CALD1: variants seen among roughly 807,000 people sequenced by gnomAD.
CALD1 encodes caldesmon 1, also known as caldesmon.
Under a neutral mutation model 99.9 loss-of-function variants are expected in CALD1, and 33 were observed. The observed-to-expected ratio is 0.33, with a 90% confidence interval of 0.25 to 0.44. The LOEUF (loss-of-function observed/expected upper bound fraction) is 0.44. Among genes scored for constraint, CALD1 ranks in the 20% least tolerant of loss-of-function variants. CALD1 has a pLI of 1.00. For synonymous variants in CALD1, 310 were observed against 325.0 expected (o/e 0.95, Z 0.50); for missense variants, 861 against 962.1 (o/e 0.89, Z 1.39).
the CALD1 span, among the ~76,000 whole-genome samples, chr7:134,722,772 C>T: frequency 6.6e-6 from 1 of 152,118 alleles, no homozygotes; most frequent in African/African-American, 2.4e-5. Context: ...CCACCCCCTC[C>T]ACCTTTCCTT....
intron 2 of CALD1, among the ~76,000 whole-genome samples, chr7:134,859,468 G>A (rs772978918): frequency 6.6e-6 from 1 of 152,172 alleles, no homozygotes; most frequent in Non-Finnish European, 1.5e-5. Flanking sequence ...TTCTCCTTGA[G>A]TTCATCAAGG....
At chr7:134,719,312 TA>T in the CALD1 span, among the ~76,000 whole-genome samples, 2 of 151,852 alleles carry the variant, frequency 1.3e-5, no homozygotes, top group South Asian at 2.1e-4. Flanking sequence ...CAAAAAGGGA[TA>T]AAAAAATATG....
intron 4 of CALD1, among the ~76,000 whole-genome samples, chr7:134,930,752 CTAAACT>C (rs1266570260): frequency 8.5e-5 from 13 of 152,270 alleles, no homozygotes; most frequent in South Asian, 2.1e-4. Flanking sequence ...AAAAATGCTG[CTAAACT>C]TAAACTATGT....
intron 2 of CALD1, among the ~76,000 whole-genome samples, chr7:134,856,415 C>T (rs562492769): frequency 2.6e-5 from 4 of 152,256 alleles, no homozygotes; most frequent in South Asian, 2.1e-4. Flanking sequence ...CCCAAGCAAA[C>T]CTCCAGAACG....
intron 3 of CALD1, among the ~76,000 whole-genome samples, chr7:134,911,471 C>T (rs554402701): frequency 2.5e-4 from 38 of 152,156 alleles, no homozygotes; most frequent in South Asian, 8.3e-4. Flanking sequence ...GCTGTAATAA[C>T]TTTAAACACC....
At chr7:134,923,223 C>T (rs1357428426) in intron 3 of CALD1, among the ~76,000 whole-genome samples, 1 of 152,184 alleles carries the variant, frequency 6.6e-6, no homozygotes, top group East Asian at 1.9e-4. Context: ...TACCAAGTAA[C>T]AAAGTGGAAT....
chr7:134,907,751 T>TC (rs890970178), intron 3 of CALD1, among the ~76,000 whole-genome samples: 81 of 151,148 alleles, frequency 5.4e-4, no homozygotes, highest in East Asian at 1.6e-3. Flanking sequence ...ATTTTTCCAG[T>TC]CCCCCCCCGC....
intron 3 of CALD1, among the ~76,000 whole-genome samples, chr7:134,876,885 G>A (rs988986131): frequency 1.3e-5 from 2 of 152,150 alleles, no homozygotes; most frequent in Non-Finnish European, 2.9e-5. Flanking sequence ...TCTTTGGGGA[G>A]GATGGGACAG....
In CALD1 at chr7:134,968,758, C is replaced by A; in HGVS notation, c.*413C>A. The A allele has an allele frequency of 3.8e-6, 1 of 259,840 alleles. No homozygotes were observed. The highest frequency in any genetic ancestry group is 5.0e-5 in the South Asian group (1 of 19,926). 16.1% of individuals were successfully genotyped at this position (259,840 alleles called of 1,614,324 possible). A position where few individuals can be genotyped will look rare whatever the true frequency, so the allele number is the denominator to read the frequency against. ...ATACAGAAGTCATGTTGTTTCTGCA[C>A]TTTATAATAAAGCATGGAAGAAATT... is the stretch of plus-strand genomic sequence containing the variant. On this transcript the variant is annotated 3_prime_UTR_variant, in exon 15 of 15. Transcript: ENST00000361675.
rs752356603 is a variant in CALD1 at position 134,921,548 on chromosome 7, A to G, written c.72-7206A>G. Among the ~76,000 whole-genome samples, 12 of 152,230 alleles carry G rather than the reference A, an allele frequency of 7.9e-5. 1 individual carries two copies. Among genetic ancestry groups the G allele is most frequent in the South Asian group, 6.2e-4 (3 of 4,834 alleles). Reference sequence around the variant, plus strand: ...CTGCTGTGGTCCGGCATGGTGGTTTACGCCTGTAATCCCAGCACTTTGGGA... The same window carrying G: ...CTGCTGTGGTCCGGCATGGTGGTTTGCGCCTGTAATCCCAGCACTTTGGGA... On this transcript the variant is annotated intron_variant, in intron 3 of 14. Transcript: ENST00000361675.
At chr7:134,739,250 G>A in the CALD1 span, among the ~76,000 whole-genome samples, 7 of 152,238 alleles carry the variant, frequency 4.6e-5, no homozygotes, top group East Asian at 5.8e-4. Flanking sequence ...ATTTAGCAAC[G>A]GACAAAATGG....
intron 3 of CALD1, among the ~76,000 whole-genome samples, chr7:134,890,945 G>A (rs544760407): frequency 6.6e-6 from 1 of 152,136 alleles, no homozygotes; most frequent in African/African-American, 2.4e-5. Context: ...TGGATAAAAG[G>A]GATAAGAGGA....
chr7:134,745,602 G>A (rs1796628890), intron 1 of CALD1: 1 of 152,226 alleles, frequency 6.6e-6, no homozygotes, highest in African/African-American at 2.4e-5. Context: ...ACATCTGCTA[G>A]AGAGGTGAAT....
intron 13 of CALD1, 63 bp downstream of exon 13, chr7:134,960,691 C>T: frequency 9.5e-7 from 1 of 1,052,428 alleles, no homozygotes; most frequent in Non-Finnish European, 1.5e-6. Context: ...CAGAAGAAAA[C>T]AAGCAGTTGG....
At chr7:134,943,794 T>A (rs544651547) in intron 7 of CALD1, among the ~76,000 whole-genome samples, 2 of 152,372 alleles carry the variant, frequency 1.3e-5, no homozygotes, top group East Asian at 3.9e-4. Context: ...ATGTAGTATA[T>A]ACGTGTGTGA....
intron 3 of CALD1, among the ~76,000 whole-genome samples, chr7:134,917,218 G>A (rs1454319981): frequency 2.0e-5 from 3 of 152,110 alleles, no homozygotes; most frequent in East Asian, 1.9e-4. Context: ...CCACATCTAC[G>A]ATGCACATTA....
intron 11 of CALD1, 63 bp from the exon 12 acceptor site, chr7:134,959,911 C>T: frequency 2.6e-6 from 4 of 1,545,684 alleles, no homozygotes; most frequent in Non-Finnish European, 2.6e-6. Context: ...AAGACAAACT[C>T]ACTATAATTT....
chr7:134,787,527 C>T (rs145615155), intron 1 of CALD1, among the ~76,000 whole-genome samples: 1 of 152,104 alleles, frequency 6.6e-6, no homozygotes, highest in Non-Finnish European at 1.5e-5. Flanking sequence ...CTTCCTCCAC[C>T]TCCACCCTCA....
chr7:134,766,548 T>C (rs1290882643), intron 1 of CALD1, among the ~76,000 whole-genome samples: 1 of 152,216 alleles, frequency 6.6e-6, no homozygotes, highest in African/African-American at 2.4e-5. Context: ...AGAAGCTACT[T>C]CATAAATGTT....
Sources: gnomAD v4.1 joint callset for allele counts (sites outside exome capture counted in the v4.1 genomes callset) on GRCh38, gnomAD v4.1.1 for gene constraint, MANE v1.5 for transcripts, NCBI Gene and HGNC (gene_info 2026-07-23, HGNC 2026-07-21) for gene names.